The following CTNNA3 variants were observed in gnomAD, a reference collection of about 807,000 sequenced individuals.
CTNNA3 encodes catenin alpha-3.
Under a neutral mutation model 95.7 loss-of-function variants are expected in CTNNA3, and 76 were observed. The observed-to-expected ratio is 0.79, with a 90% CI of 0.66 to 0.96. The LOEUF is 0.96. Among genes scored for constraint, CTNNA3 ranks in the 40% least tolerant of loss-of-function variants. CTNNA3 has a pLI of 0.00. For synonymous variants in CTNNA3, 431 were observed against 374.4 expected (o/e 1.15, Z -1.74); for missense variants, 1,191 against 1,089.8 (o/e 1.09, Z -1.31).
intron 9 of CTNNA3, among the ~76,000 whole-genome samples, chr10:66,653,087 G>A (rs1427215111): frequency 6.6e-6 from 1 of 152,042 alleles, no homozygotes; most frequent in African/African-American, 2.4e-5. Flanking sequence ...TTTCGGTTCT[G>A]TCTAACTAAA....
intron 7 of CTNNA3, among the ~76,000 whole-genome samples, chr10:66,859,724 T>G (rs1336193665): frequency 1.5e-5 from 2 of 132,300 alleles, no homozygotes; most frequent in South Asian, 2.4e-4. Flanking sequence ...CACGTATGTT[T>G]ACTGCGGCAC....
At chr10:67,125,345 TGTA>T (rs1370633065) in intron 7 of CTNNA3, among the ~76,000 whole-genome samples, 1 of 152,146 alleles carries the variant, frequency 6.6e-6, no homozygotes, top group Non-Finnish European at 1.5e-5. Context: ...CTTATTATAA[TGTA>T]GTAAGAATGC....
At chr10:67,332,440 A>G in intron 5 of CTNNA3, among the ~76,000 whole-genome samples, 1 of 152,162 alleles carries the variant, frequency 6.6e-6, no homozygotes, top group East Asian at 1.9e-4. Flanking sequence ...AAAGCATAAA[A>G]CTACTTTCTG....
intron 14 of CTNNA3, chr10:66,079,145 T>A (rs1028649437): frequency 5.3e-5 from 8 of 152,016 alleles, no homozygotes; most frequent in Admixed American, 4.6e-4. Context: ...TATAGCATAG[T>A]ACAATTATAT....
chr10:66,639,143 TG>T (rs1400143306), intron 9 of CTNNA3, among the ~76,000 whole-genome samples: 1 of 152,102 alleles, frequency 6.6e-6, no homozygotes, highest in Non-Finnish European at 1.5e-5. Context: ...ATCACTGTTT[TG>T]GGAGCCACAA....
chr10:67,423,682 A>G (rs1031519970), intron 5 of CTNNA3, among the ~76,000 whole-genome samples: 5 of 152,172 alleles, frequency 3.3e-5, no homozygotes, highest in African/African-American at 1.2e-4. Flanking sequence ...CAACAACACA[A>G]TAGTAATACA....
At chr10:67,482,558 A>G (rs1488906910) in intron 5 of CTNNA3, among the ~76,000 whole-genome samples, 2 of 151,848 alleles carry the variant, frequency 1.3e-5, no homozygotes, top group Non-Finnish European at 2.9e-5. Flanking sequence ...TTTGTCTGTT[A>G]TTGGTGTATA....
At chr10:66,458,486 T>C (rs569753531) in intron 11 of CTNNA3, among the ~76,000 whole-genome samples, 1 of 152,322 alleles carries the variant, frequency 6.6e-6, no homozygotes, top group Admixed American at 6.5e-5. Flanking sequence ...TGGTATTAAG[T>C]GCATTCACAT....
chr10:66,780,062 A>G (rs1056198558), intron 7 of CTNNA3, among the ~76,000 whole-genome samples: 9 of 152,168 alleles, frequency 5.9e-5, no homozygotes, highest in Non-Finnish European at 8.8e-5. Flanking sequence ...GAAAAAGCTT[A>G]TCAGGGACAG....
chr10:66,861,836 TC>T (rs1298191884), intron 7 of CTNNA3, among the ~76,000 whole-genome samples: 12 of 152,218 alleles, frequency 7.9e-5, no homozygotes, highest in African/African-American at 2.4e-4. Context: ...CTTACTTGTT[TC>T]TTTAATATTT....
chr10:66,418,039 CTA>C (rs138652455), intron 11 of CTNNA3, among the ~76,000 whole-genome samples: 1 of 148,278 alleles, frequency 6.7e-6, no homozygotes, highest in African/African-American at 2.5e-5. Flanking sequence ...GAATCAGAAA[CTA>C]GAAAAACAAT....
chr10:66,486,615 A>G (rs749427664), intron 11 of CTNNA3, among the ~76,000 whole-genome samples: 14 of 152,206 alleles, frequency 9.2e-5, no homozygotes, highest in Non-Finnish European at 1.8e-4. Context: ...TGCTACAGCC[A>G]TTATGGAAAA....
chr10:66,286,615 A>C (rs943053435), intron 12 of CTNNA3, among the ~76,000 whole-genome samples: 1 of 152,072 alleles, frequency 6.6e-6, no homozygotes, highest in Non-Finnish European at 1.5e-5. Context: ...GGAACAGGGA[A>C]AGAAGTCTAG....
intron 3 of CTNNA3, among the ~76,000 whole-genome samples, chr10:67,593,708 G>A (rs1842849501): frequency 6.6e-6 from 1 of 152,156 alleles, no homozygotes; most frequent in Admixed American, 6.6e-5. Flanking sequence ...TGCAAAGAAA[G>A]ATAGGTTGAA....
chr10:67,691,540 T>C (rs1180176809), intron 1 of CTNNA3, among the ~76,000 whole-genome samples: 1 of 147,364 alleles, frequency 6.8e-6, no homozygotes, highest in Non-Finnish European at 1.5e-5. Flanking sequence ...ACCTCTGCCC[T>C]GCCGCCCCGT....
chr10:67,209,101 T>G (rs1308075045), intron 6 of CTNNA3, among the ~76,000 whole-genome samples: 3 of 152,112 alleles, frequency 2.0e-5, no homozygotes, highest in Non-Finnish European at 4.4e-5. Flanking sequence ...CAGGCTGGAG[T>G]CCAGTGGCAC....
intron 7 of CTNNA3, among the ~76,000 whole-genome samples, chr10:67,163,289 C>T (rs1314296082): frequency 6.6e-6 from 1 of 151,794 alleles, no homozygotes; most frequent in African/African-American, 2.4e-5. Flanking sequence ...AAGATTTATT[C>T]CAGGGTTGCA....
chr10:65,957,951 T>C (rs963411888), intron 17 of CTNNA3, among the ~76,000 whole-genome samples: 4 of 152,234 alleles, frequency 2.6e-5, no homozygotes, highest in Non-Finnish European at 5.9e-5. Flanking sequence ...GTTGGGGAAG[T>C]TCACCTGGAT....
chr10:67,051,903 C>A (rs1855121434), intron 7 of CTNNA3, among the ~76,000 whole-genome samples: 1 of 151,972 alleles, frequency 6.6e-6, no homozygotes, highest in African/African-American at 2.4e-5. Flanking sequence ...TACAGGCATG[C>A]CCCACTACAG....
Sources: allele counts gnomAD v4.1 joint callset (sites outside exome capture counted in the v4.1 genomes callset), GRCh38; gene constraint gnomAD v4.1.1; transcripts MANE v1.5; gene names NCBI Gene and HGNC (gene_info 2026-07-23, HGNC 2026-07-21).